Variants in VPS13A observed in about 807,000 individuals in gnomAD.
VPS13A encodes the protein intermembrane lipid transfer protein VPS13A.
In VPS13A, 264 loss-of-function variants were observed where a neutral mutation model predicts 390.9. The observed-to-expected ratio is 0.68, with a 90% CI of 0.61 to 0.75. The LOEUF is 0.75. Among genes scored for constraint, VPS13A ranks in the 30% least tolerant of loss-of-function variants. VPS13A has a pLI of 0.00. For missense variants in VPS13A, 3,409 were observed against 3,733.9 expected, an observed-to-expected ratio of 0.91 and a Z score of 2.27; for synonymous variants, 1,231 against 1,227.1, an observed-to-expected ratio of 1.00 and a Z score of -0.07.
At chr9:77,237,110 G>A (rs1000525081) in intron 17 of VPS13A, among the ~76,000 whole-genome samples, 2 of 151,956 alleles carry the variant, frequency 1.3e-5, no homozygotes, top group Non-Finnish European at 2.9e-5. Flanking sequence ...GGATGGTCTC[G>A]ATCTCTTGAC....
At chr9:77,340,007 A>G (rs1248975504) in intron 48 of VPS13A, 96 bp downstream of exon 48, 1 of 1,477,936 alleles carries the variant, frequency 6.8e-7, no homozygotes, top group Non-Finnish European at 9.2e-7. Flanking sequence ...AAACTTGGAT[A>G]GAAATAACTT....
intron 54 of VPS13A, among the ~76,000 whole-genome samples, chr9:77,355,561 C>T (rs1427655799): frequency 6.6e-6 from 1 of 152,144 alleles, no homozygotes; most frequent in Non-Finnish European, 1.5e-5. Context: ...GTCATCTGAC[C>T]TTAAGACTTC....
At chr9:77,220,222 G>A in intron 11 of VPS13A, 55 bp from the exon 12 acceptor site, 2 of 1,540,918 alleles carry the variant, frequency 1.3e-6, no homozygotes, top group Non-Finnish European at 1.8e-6. Flanking sequence ...TTTATCTTCA[G>A]CAATTGAACA....
chr9:77,250,869 T>C (rs1825115303), intron 21 of VPS13A, among the ~76,000 whole-genome samples: 1 of 152,224 alleles, frequency 6.6e-6, no homozygotes, highest in Admixed American at 6.5e-5. Context: ...GACCCCAGAC[T>C]CGTTCAGCTT....
At chr9:77,324,242 CTTTT>C (rs1829889721) in intron 45 of VPS13A, among the ~76,000 whole-genome samples, 1 of 144,554 alleles carries the variant, frequency 6.9e-6, no homozygotes, top group Non-Finnish European at 1.6e-5. Context: ...GACATTTTTA[CTTTT>C]TCTTTTTCAA....
At chr9:77,296,800 T>C (rs78301853) in intron 33 of VPS13A, among the ~76,000 whole-genome samples, 3,001 of 152,246 alleles carry the variant, frequency 0.02, 74 homozygotes, top group African/African-American at 0.055. Flanking sequence ...AGAGTTTGCT[T>C]GTGGGAGATT....
intron 67 of VPS13A, among the ~76,000 whole-genome samples, chr9:77,378,413 T>C (rs1216428098): frequency 6.6e-6 from 1 of 152,180 alleles, no homozygotes; most frequent in Non-Finnish European, 1.5e-5. Context: ...CTAGATGTTC[T>C]AATTTGTTGA....
chr9:77,210,706 A>G (rs1825933735), intron 7 of VPS13A, 31 bp downstream of exon 7: 1 of 1,599,926 alleles, frequency 6.3e-7, no homozygotes. Flanking sequence ...TCTTAACCAT[A>G]TTTAATGTGC....
At chr9:77,344,015 A>T in intron 50 of VPS13A, 138 bp from the exon 51 acceptor site, 1 of 785,430 alleles carries the variant, frequency 1.3e-6, no homozygotes, top group Non-Finnish European at 2.0e-6. Context: ...ACAGCTGTTT[A>T]AACAACCCAA....
intron 68 of VPS13A, among the ~76,000 whole-genome samples, chr9:77,399,810 T>TA (rs1404148683): frequency 6.6e-6 from 1 of 152,206 alleles, no homozygotes; most frequent in Non-Finnish European, 1.5e-5. Context: ...TTCCAGAAGT[T>TA]TCTACATGTT....
chr9:77,203,603 A>T (rs141096240), intron 3 of VPS13A, among the ~76,000 whole-genome samples: 2 of 152,236 alleles, frequency 1.3e-5, no homozygotes, highest in East Asian at 3.9e-4. Flanking sequence ...TGGATTTTTT[A>T]AAAAAACATT....
In VPS13A at chr9:77,207,234, TATATATATATATATATATAA is replaced by T. The variant is rs1321332779; in HGVS notation, c.385+1157_385+1176del. ...GATATTATATATATATATATATATA[TATATATATATATATATATAA>T]AACGTGTTATATGTAACATAACATG... On this transcript the variant is annotated intron_variant, in intron 5 of 71. Coordinates refer to ENST00000360280, the MANE Select transcript of VPS13A (RefSeq NM_033305.3). Among the ~76,000 whole-genome samples the T allele has an allele frequency of 3.0e-5, 3 of 100,394 alleles. 1 individual carries two copies. Among genetic ancestry groups the T allele is most frequent in the East Asian group, 6.5e-4 (2 of 3,100 alleles). 65.9% of individuals were successfully genotyped at this position (100,394 alleles called of 152,430 possible). A position where few individuals can be genotyped will look rare whatever the true frequency, so the allele number is the denominator to read the frequency against.
chr9:77,317,049 AT>A (rs1255729759), intron 39 of VPS13A, among the ~76,000 whole-genome samples: 1 of 151,902 alleles, frequency 6.6e-6, no homozygotes, highest in African/African-American at 2.4e-5. Flanking sequence ...GTTTCTTTGT[AT>A]TTTTTTCCTG....
At chr9:77,294,717 A>G (rs1278285159) in intron 32 of VPS13A, among the ~76,000 whole-genome samples, 1 of 152,124 alleles carries the variant, frequency 6.6e-6, no homozygotes, top group Non-Finnish European at 1.5e-5. Context: ...CTTTTAAAAA[A>G]AATTAGAGTT....
chr9:77,222,764 C>A (rs1823294203), intron 13 of VPS13A, among the ~76,000 whole-genome samples: 1 of 152,152 alleles, frequency 6.6e-6, no homozygotes, highest in Admixed American at 6.5e-5. Context: ...CAAACTGCAT[C>A]CATATAAGAC....
intron 28 of VPS13A, 80 bp from the exon 29 acceptor site, chr9:77,282,041 G>A: frequency 7.0e-7 from 1 of 1,431,780 alleles, no homozygotes; most frequent in Middle Eastern, 2.1e-4. Flanking sequence ...TATCCTTTAT[G>A]CCACAAAGCA....
intron 69 of VPS13A, among the ~76,000 whole-genome samples, chr9:77,403,528 CATAA>C (rs1834475045): frequency 6.6e-6 from 1 of 152,168 alleles, no homozygotes. Context: ...CATGCACAGA[CATAA>C]ATATTTTAGT....
Position 77,352,342 on chromosome 9 carries a change from T to G in VPS13A, c.7419+896T>G, listed in dbSNP as rs1021616523. On this transcript the variant is annotated intron_variant, in intron 53 of 71. Transcript: ENST00000360280. ...TCCTGATGTTTTTTTTTCTTACCACTGGTGATTTTTTCTTCCTGCTTATCA... is the reference window on the plus strand; with the variant it reads ...TCCTGATGTTTTTTTTTCTTACCACGGGTGATTTTTTCTTCCTGCTTATCA... Among the ~76,000 whole-genome samples the G allele has an allele frequency of 2.2e-4, 34 of 152,176 alleles. 2 individuals carry two copies.
At chr9:77,382,338 A>G in intron 68 of VPS13A, 1 of 1,535,974 alleles carries the variant, frequency 6.5e-7, no homozygotes, top group Non-Finnish European at 8.8e-7. Context: ...AGCCAACAGT[A>G]GATTTTAGTC....
Sources: gnomAD v4.1 joint callset for allele counts (sites outside exome capture counted in the v4.1 genomes callset) on GRCh38, gnomAD v4.1.1 for gene constraint, MANE v1.5 for transcripts, NCBI Gene and HGNC (gene_info 2026-07-23, HGNC 2026-07-21) for gene names.